TMIGD3: variants seen among roughly 807,000 people sequenced by gnomAD.
TMIGD3 encodes the protein transmembrane and immunoglobulin domain containing 3.
In TMIGD3, 21 loss-of-function variants were observed where a neutral mutation model predicts 28.1. That is an observed-to-expected ratio of 0.75 (90% CI 0.53 to 1.08). The LOEUF is 1.08. Ranked by LOEUF, TMIGD3 falls within the 50% of genes least tolerant of loss-of-function variation. The probability of loss-of-function intolerance (pLI) is 0.00; values close to 1 mark genes in which losing one functional copy is unlikely to be tolerated. For synonymous variants in TMIGD3, 151 were observed against 162.1 expected (o/e 0.93, Z 0.52); for missense variants, 416 against 435.6 (o/e 0.96, Z 0.40).
chr1:111,511,210 C>T (rs1655676341), intron 1 of TMIGD3, among the ~76,000 whole-genome samples: 2 of 152,214 alleles, frequency 1.3e-5, no homozygotes, highest in Non-Finnish European at 2.9e-5. Flanking sequence ...ATTTACATGA[C>T]TGCTTCTCCC....
At position 111,488,858 on chromosome 1, in the gene TMIGD3, A is replaced by G; in HGVS notation, c.624T>C (p.His208=). ...GGTTCCCTGTGTCCCTCAGGGCCACATGATTGGTGCTGTTAGGGGAGAAGG... is the reference window on the plus strand; with the variant it reads ...GGTTCCCTGTGTCCCTCAGGGCCACGTGATTGGTGCTGTTAGGGGAGAAGG... ...IIAFSPNSTN[H]VALRDTGNQL... The change falls in exon 3 of 6, where the codon CAT becomes CAC. Residue 208 remains histidine, a synonymous_variant. Transcript: ENST00000369716. 6.2e-7 allele frequency: 1 copy of G among 1,614,228 alleles called. No individual in the cohort carries two copies. Among genetic ancestry groups the G allele is most frequent in the Non-Finnish European group, 8.5e-7 (1 of 1,180,042 alleles).
upstream of TMIGD3, among the ~76,000 whole-genome samples, chr1:111,505,461 C>G (rs1012900197): frequency 1.2e-4 from 18 of 152,228 alleles, no homozygotes; most frequent in African/African-American, 4.3e-4. Flanking sequence ...TTTCTGTGAA[C>G]AAGAGAAGCC....
intron 1 of TMIGD3, among the ~76,000 whole-genome samples, chr1:111,502,428 T>C (rs1365397074): frequency 7.0e-6 from 1 of 141,864 alleles, no homozygotes. Context: ...ATATATAGGA[T>C]ACATATATTT....
rs567234132 is a variant in TMIGD3 at position 111,560,540 on chromosome 1, G to A, written c.107+3306C>T. Among the ~76,000 whole-genome samples the A allele has an allele frequency of 4.0e-5, 6 of 150,826 alleles. No individual in the cohort carries two copies. In the East Asian group the frequency reaches 1.2e-3, roughly 30 times the overall value. On this transcript the variant is annotated intron_variant, in intron 1 of 5. Transcript: ENST00000369717. ...AGGGTCTTCTGTCACTGAGGCTGGA[G>A]TGCAATGGCACGATCATAGCTCACT...
At chr1:111,541,850 A>T (rs1325355601) in intron 1 of TMIGD3, among the ~76,000 whole-genome samples, 1 of 152,224 alleles carries the variant, frequency 6.6e-6, no homozygotes, top group Non-Finnish European at 1.5e-5. Flanking sequence ...ACTGGAGTGT[A>T]TCAAGAAACT....
intron 1 of TMIGD3, among the ~76,000 whole-genome samples, chr1:111,496,409 A>T (rs1004657147): frequency 6.6e-6 from 1 of 152,172 alleles, no homozygotes; most frequent in Non-Finnish European, 1.5e-5. Flanking sequence ...GATGAAAAAA[A>T]TTAATCGGAC....
intron 1 of TMIGD3, among the ~76,000 whole-genome samples, chr1:111,537,119 A>G (rs1656664823): frequency 6.6e-6 from 1 of 151,910 alleles, no homozygotes; most frequent in Non-Finnish European, 1.5e-5. Context: ...GTGAAACTGC[A>G]CTCATCCTTC....
chr1:111,545,994 C>T (rs749719234), intron 1 of TMIGD3, among the ~76,000 whole-genome samples: 6 of 152,098 alleles, frequency 3.9e-5, no homozygotes, highest in Non-Finnish European at 5.9e-5. Flanking sequence ...TAGCCTTATG[C>T]GAGTACCATA....
At chr1:111,504,824 A>C, upstream of TMIGD3, 1 of 981,950 alleles carries the variant, frequency 1.0e-6, no homozygotes, top group Non-Finnish European at 1.2e-6. Flanking sequence ...CCCGACCCCC[A>C]CCCTGTATCC....
At chr1:111,493,103 T>C (rs6668383) in intron 1 of TMIGD3, among the ~76,000 whole-genome samples, 20,541 of 152,050 alleles carry the variant, frequency 0.14, 1,570 homozygotes, top group Middle Eastern at 0.2. Flanking sequence ...CAGGCACAAA[T>C]GAAATAAGAT....
rs746708794 is a variant in TMIGD3, at chr1:111,488,865, G to A, written c.617C>T (p.Thr206Ile). 1 of 1,614,206 alleles carries A rather than the reference G, an allele frequency of 6.2e-7. No individual in the cohort carries two copies. Among genetic ancestry groups the A allele is most frequent in the Admixed American group, 1.7e-5 (1 of 60,034 alleles). The change falls in exon 3 of 6, where the codon ACC (threonine) becomes ATC (isoleucine). Residue 206 changes from threonine (T) to isoleucine (I), a missense_variant. Transcript: ENST00000369716. ...TGTGTCCCTCAGGGCCACATGATTGGTGCTGTTAGGGGAGAAGGCGATGAT... is the reference window on the plus strand; with the variant it reads ...TGTGTCCCTCAGGGCCACATGATTGATGCTGTTAGGGGAGAAGGCGATGAT... ...CNIIAFSPNSTNHVALRDTGN... is the reference protein window; with the variant it reads ...CNIIAFSPNSINHVALRDTGN...
chr1:111,553,114 G>A (rs1657337119), intron 1 of TMIGD3, among the ~76,000 whole-genome samples: 1 of 152,166 alleles, frequency 6.6e-6, no homozygotes, highest in South Asian at 2.1e-4. Context: ...AATTTCTCAT[G>A]TTTCTTCCCA....
At chr1:111,540,260 G>A (rs1656774637) in intron 1 of TMIGD3, among the ~76,000 whole-genome samples, 1 of 152,212 alleles carries the variant, frequency 6.6e-6, no homozygotes, top group South Asian at 2.1e-4. Context: ...GCAGCACCCA[G>A]AATGTTTTGA....
chr1:111,544,062 C>G lies in TMIGD3; in HGVS notation c.107+19784G>C, dbSNP rs561361640. ...CAAATGTATAGCCTTCAGTTTGAAGCATTTGAACATGTTTAAAGTCAAATT... is the reference window on the plus strand; with the variant it reads ...CAAATGTATAGCCTTCAGTTTGAAGGATTTGAACATGTTTAAAGTCAAATT... On this transcript the variant is annotated intron_variant, in intron 1 of 5. Coordinates refer to the TMIGD3 transcript ENST00000369717. Among the ~76,000 whole-genome samples, 3 of 152,330 alleles carry G rather than the reference C, an allele frequency of 2.0e-5. No individual in the cohort carries two copies. In the South Asian group the frequency reaches 6.2e-4, roughly 32 times the overall value.
chr1:111,518,997 G>A (rs1056310457), intron 1 of TMIGD3, among the ~76,000 whole-genome samples: 1 of 152,176 alleles, frequency 6.6e-6, no homozygotes, highest in Non-Finnish European at 1.5e-5. Flanking sequence ...GGAGTGCAGT[G>A]CCGTGATCTT....
At chr1:111,487,508 G>GAA (rs111697680) in intron 3 of TMIGD3, among the ~76,000 whole-genome samples, 1 of 142,282 alleles carries the variant, frequency 7.0e-6, no homozygotes, top group African/African-American at 2.6e-5. Flanking sequence ...AGGGGAAAGA[G>GAA]AAAAAAAAAA....
intron 2 of TMIGD3, among the ~76,000 whole-genome samples, chr1:111,489,985 T>G (rs1327252862): frequency 6.6e-6 from 1 of 152,170 alleles, no homozygotes; most frequent in Non-Finnish European, 1.5e-5. Flanking sequence ...CAAAAACCAC[T>G]AAAATGCAGG....
chr1:111,528,245 T>C (rs1055281774), intron 1 of TMIGD3, among the ~76,000 whole-genome samples: 1 of 152,216 alleles, frequency 6.6e-6, no homozygotes, highest in Non-Finnish European at 1.5e-5. Context: ...TTGCTCATCA[T>C]CACTGGTTGA....
intron 1 of TMIGD3, among the ~76,000 whole-genome samples, chr1:111,513,918 G>T (rs1280641925): frequency 6.6e-6 from 1 of 152,234 alleles, no homozygotes; most frequent in African/African-American, 2.4e-5. Context: ...GCATCCCCTA[G>T]TTGGGGTGCG....
Sources: allele counts gnomAD v4.1 joint callset (sites outside exome capture counted in the v4.1 genomes callset), GRCh38; gene constraint gnomAD v4.1.1; transcripts MANE v1.5; gene names NCBI Gene and HGNC (gene_info 2026-07-23, HGNC 2026-07-21).